TOGARAM2: variants seen among roughly 807,000 people sequenced by gnomAD.
The protein encoded by TOGARAM2 is TOG array regulator of axonemal microtubules 2.
TOGARAM2 carries 85 observed loss-of-function variants against 93.3 expected under a neutral mutation model. That is an observed-to-expected ratio of 0.91 (90% CI 0.76 to 1.09). The LOEUF is 1.09. TOGARAM2 is among the 50% of genes least tolerant of loss of function. TOGARAM2 has a pLI of 0.00. For synonymous variants in TOGARAM2, 593 were observed against 552.8 expected (o/e 1.07, Z -1.02); for missense variants, 1,277 against 1,334.5 (o/e 0.96, Z 0.67).
At chr2:29,025,501 G>A (rs1665295162) in intron 13 of TOGARAM2, among the ~76,000 whole-genome samples, 1 of 152,182 alleles carries the variant, frequency 6.6e-6, no homozygotes, top group African/African-American at 2.4e-5. Flanking sequence ...AAAGGTGCTG[G>A]CATGGAGGGA....
At chr2:29,042,151 T>G (rs1384382449) in intron 18 of TOGARAM2, among the ~76,000 whole-genome samples, 1 of 152,252 alleles carries the variant, frequency 6.6e-6, no homozygotes, top group Non-Finnish European at 1.5e-5. Context: ...TGTGTCTTAT[T>G]GAACCTGGAG....
chr2:28,963,662 G>A (rs1671826915), intron 1 of TOGARAM2, among the ~76,000 whole-genome samples: 1 of 152,196 alleles, frequency 6.6e-6, no homozygotes, highest in Non-Finnish European at 1.5e-5. Flanking sequence ...TGGGATGACA[G>A]CCAAGGCATG....
intron 1 of TOGARAM2, among the ~76,000 whole-genome samples, chr2:28,992,642 T>C (rs2148263502): frequency 6.6e-6 from 1 of 152,160 alleles, no homozygotes; most frequent in East Asian, 1.9e-4. Flanking sequence ...AGTGATCACT[T>C]TGGGGAAACT....
At chr2:29,022,329 CGTGCTGTGTTCTGGCCGGA>C in intron 11 of TOGARAM2, 21 bp downstream of exon 11, 4 of 1,613,252 alleles carry the variant, frequency 2.5e-6, no homozygotes, top group Non-Finnish European at 3.4e-6. Context: ...GCTTCCACCA[CGTGCTGTGTTCTGGCCGGA>C]AGCAGGGGCT....
chr2:29,051,761 G>A lies in TOGARAM2; in HGVS notation c.2728G>A (p.Val910Met), dbSNP rs368974851. Residue 910 changes from valine (V) to methionine (M), a missense_variant, in exon 20 of 20, where the codon GTG becomes ATG. Val to Met is a conservative substitution (Grantham distance 21). Coordinates refer to ENST00000379558, the MANE Select transcript of TOGARAM2 (RefSeq NM_199280.4). Reference sequence around the variant, plus strand: ...TCTCCTTTTCTGCCTGACAGTGCTGGTGGCCTCAGTTTACCCCCGGAAGCC... The same window carrying A: ...TCTCCTTTTCTGCCTGACAGTGCTGATGGCCTCAGTTTACCCCCGGAAGCC... ...LDVTDRLAVL[V>M]ASVYPRKPQA... is the part of the protein sequence containing the mutation. The A allele has an allele frequency of 6.6e-7, 1 of 1,504,108 alleles. No homozygotes were observed. Among genetic ancestry groups the A allele is most frequent in the Non-Finnish European group, 8.9e-7 (1 of 1,117,438 alleles). 93.2% of individuals were successfully genotyped at this position (1,504,108 alleles called of 1,614,324 possible).
At chr2:29,030,798 G>T (rs1665723679) in intron 14 of TOGARAM2, among the ~76,000 whole-genome samples, 1 of 152,128 alleles carries the variant, frequency 6.6e-6, no homozygotes, top group Admixed American at 6.5e-5. Context: ...AGCAAAGTTG[G>T]AGGCTTCTCA....
chr2:29,008,235 C>T (rs1421831272), intron 6 of TOGARAM2, among the ~76,000 whole-genome samples: 3 of 151,986 alleles, frequency 2.0e-5, no homozygotes, highest in Non-Finnish European at 4.4e-5. Flanking sequence ...ACTGCAACCT[C>T]TGCCTCCTGG....
intron 9 of TOGARAM2, 110 bp downstream of exon 9, chr2:29,017,414 G>A (rs1009622763): frequency 1.2e-5 from 14 of 1,127,522 alleles, no homozygotes; most frequent in Admixed American, 3.4e-5. Context: ...TAGTATTTAT[G>A]TATTTATTTA....
intron 1 of TOGARAM2, among the ~76,000 whole-genome samples, chr2:28,975,312 C>T (rs1407178918): frequency 6.6e-6 from 1 of 152,044 alleles, no homozygotes; most frequent in African/African-American, 2.4e-5. Flanking sequence ...CCTCAGCCTC[C>T]TGAGTAGTTG....
chr2:29,048,104 C>T (rs1190651731), intron 19 of TOGARAM2: 3 of 152,128 alleles, frequency 2.0e-5, no homozygotes, highest in Non-Finnish European at 2.9e-5. Flanking sequence ...CACAATCATG[C>T]CACTCATCTT....
At chr2:29,031,821 T>C (rs1464150751) in intron 14 of TOGARAM2, among the ~76,000 whole-genome samples, 1 of 152,250 alleles carries the variant, frequency 6.6e-6, no homozygotes, top group Non-Finnish European at 1.5e-5. Flanking sequence ...TTTTTATTTT[T>C]CTGATTTTCC....
chr2:28,995,044 T>G (rs1394232241), intron 2 of TOGARAM2, among the ~76,000 whole-genome samples, 182 bp downstream of exon 2: 2 of 152,234 alleles, frequency 1.3e-5, no homozygotes, highest in Non-Finnish European at 2.9e-5. Flanking sequence ...CAGCTGGCTG[T>G]CTGGGTGGCT....
At chr2:28,984,427 A>C (rs973693489) in intron 1 of TOGARAM2, among the ~76,000 whole-genome samples, 1 of 152,174 alleles carries the variant, frequency 6.6e-6, no homozygotes, top group African/African-American at 2.4e-5. Context: ...GGCCTTTGCC[A>C]AGAGCCCTTT....
At chr2:29,003,733 CCT>C (rs1457315061) in intron 6 of TOGARAM2, 51 bp downstream of exon 6, 5 of 1,404,010 alleles carry the variant, frequency 3.6e-6, no homozygotes, top group Non-Finnish European at 4.7e-6. Context: ...CCTCTGTCCC[CCT>C]GAGATCCACT....
intron 6 of TOGARAM2, among the ~76,000 whole-genome samples, chr2:29,006,256 ATG>A (rs1363093374): frequency 4.6e-5 from 6 of 130,332 alleles, no homozygotes; most frequent in African/African-American, 1.2e-4. Context: ...GTGTGTGTGC[ATG>A]TGTGTGGAGT....
rs763440132 is a variant in TOGARAM2 at position 29,017,174 on chromosome 2, G to C, written c.1065G>C (p.Lys355Asn). ...GCCAGATCCAAGTCACCATCTCCAA[G>C]TCTGCCCGGGAGAAGATGCAGCTGA... Reference protein sequence around the residue: ...IGTKIQVTISKSAREKMQLKQ... With the variant: ...IGTKIQVTISNSAREKMQLKQ... The change falls in exon 9 of 20, where the codon AAG becomes AAC. Residue 355 changes from lysine (K) to asparagine (N), a missense_variant. Coordinates refer to ENST00000379558, the MANE Select transcript of TOGARAM2 (RefSeq NM_199280.4). 72 of 1,613,670 alleles carry C rather than the reference G, an allele frequency of 4.5e-5. No homozygotes were observed. The highest frequency in any genetic ancestry group is 5.9e-5 in the Non-Finnish European group (70 of 1,179,800).
chr2:29,012,403 G>A (rs959412497), intron 7 of TOGARAM2, among the ~76,000 whole-genome samples: 1 of 152,206 alleles, frequency 6.6e-6, no homozygotes, highest in Non-Finnish European at 1.5e-5. Context: ...AAACCTCTGC[G>A]GCAGCTGCTT....
intron 18 of TOGARAM2, among the ~76,000 whole-genome samples, chr2:29,037,383 TG>T (rs1572773260): frequency 6.6e-6 from 1 of 152,226 alleles, no homozygotes; most frequent in Non-Finnish European, 1.5e-5. Flanking sequence ...AGTAGACTTA[TG>T]GCCAGCCCAG....
chr2:28,988,695 A>G (rs1402591238), intron 1 of TOGARAM2, among the ~76,000 whole-genome samples: 1 of 151,668 alleles, frequency 6.6e-6, no homozygotes, highest in East Asian at 1.9e-4. Context: ...CTACTCTCCA[A>G]CCTCTCTCCT....
Sources: gnomAD v4.1 joint callset for allele counts (sites outside exome capture counted in the v4.1 genomes callset) on GRCh38, gnomAD v4.1.1 for gene constraint, MANE v1.5 for transcripts, NCBI Gene and HGNC (gene_info 2026-07-23, HGNC 2026-07-21) for gene names.